The following TMCO6 variants were observed in gnomAD, a reference collection of about 807,000 sequenced individuals.
TMCO6 encodes the protein transmembrane and coiled-coil domain-containing protein 6.
A neutral mutation model predicts 61.8 loss-of-function variants in TMCO6; 47 were observed. That is an observed-to-expected ratio of 0.76 (90% CI 0.60 to 0.97). The LOEUF (loss-of-function observed/expected upper bound fraction) is 0.97, where lower values mean the gene tolerates loss of function less well. TMCO6 is among the 50% of genes least tolerant of loss of function. The pLI, the probability that TMCO6 is intolerant of heterozygous loss-of-function variation, is 0.00. For missense variants in TMCO6, 557 were observed against 601.6 expected (o/e 0.93, Z 0.78); for synonymous variants, 261 against 254.2 (o/e 1.03, Z -0.25).
At chr5:140,644,892 G>A (rs1757303680) in intron 11 of TMCO6, 93 bp from the exon 12 acceptor site, 8 of 1,501,394 alleles carry the variant, frequency 5.3e-6, no homozygotes, top group Non-Finnish European at 6.4e-6. Flanking sequence ...GTTGGGGAAT[G>A]CACCCTCTGG....
Position 140,639,581 on chromosome 5 carries a change from G to T in TMCO6, c.54G>T (p.Glu18Asp). Residue 18 changes from glutamate to aspartate, a missense_variant, in exon 1 of 12, where the codon GAG becomes GAT. Coordinates refer to ENST00000394671, the MANE Select transcript of TMCO6 (RefSeq NM_018502.5). ...RLRPTVCGVE[E>D]LRRRRREREA... ...GGCCCACGGTCTGCGGGGTGGAGGA[G>T]CTACGGCGCCGCCGGCGGGAGCGGG... The T allele has an allele frequency of 6.5e-7, 1 of 1,545,514 alleles. No individual in the cohort carries two copies.
intron 6 of TMCO6, 43 bp from the exon 7 acceptor site, chr5:140,642,882 G>C: frequency 6.2e-7 from 1 of 1,613,996 alleles, no homozygotes; most frequent in Non-Finnish European, 8.5e-7. Flanking sequence ...AGAACCACTG[G>C]CATCTTCGTG....
At chr5:140,647,276 G>A (rs199726032), downstream of TMCO6, 129 of 1,562,050 alleles carry the variant, frequency 8.3e-5, no homozygotes, top group Non-Finnish European at 6.9e-5. Flanking sequence ...CCAGAGCTTG[G>A]GCTGCACATC....
the TMCO6 span, among the ~76,000 whole-genome samples, chr5:140,598,873 T>A: frequency 1.3e-5 from 2 of 151,908 alleles, no homozygotes; most frequent in Non-Finnish European, 2.9e-5. Context: ...GAGGAGGAGG[T>A]AGCAGTGAGC....
chr5:140,639,287 A>T, upstream of TMCO6: 1 of 512,580 alleles, frequency 2.0e-6, no homozygotes, highest in Non-Finnish European at 3.5e-6. Flanking sequence ...AATCAATCAG[A>T]GGCAGAGCGA....
At chr5:140,622,985 T>G in the TMCO6 span, among the ~76,000 whole-genome samples, 78 of 152,318 alleles carry the variant, frequency 5.1e-4, 1 homozygote, top group African/African-American at 1.7e-3. Context: ...CTCAAAGTGC[T>G]GGGATAACAA....
chr5:140,645,138 A>G lies in TMCO6; in HGVS notation c.*40A>G, dbSNP rs1330722290. ...GTCACTCATTCCCCTCTCTCTTAAC[A>G]TCAAGCTTGTTTGTCCAGTAGAGCC... On this transcript the variant is annotated 3_prime_UTR_variant, in exon 12 of 12. Coordinates refer to ENST00000394671, the MANE Select transcript of TMCO6 (RefSeq NM_018502.5). 10 of 1,587,172 alleles carry G rather than the reference A, an allele frequency of 6.3e-6. No homozygotes were observed. The South Asian group carries it at 1.1e-4, about 18-fold the overall frequency.
the TMCO6 span, among the ~76,000 whole-genome samples, chr5:140,625,508 C>T: frequency 6.6e-6 from 1 of 152,200 alleles, no homozygotes; most frequent in Non-Finnish European, 1.5e-5. Flanking sequence ...CAGAAGTCAC[C>T]TCATGTGAGG....
At chr5:140,645,432 A>G (rs770288038), downstream of TMCO6, 38 of 980,510 alleles carry the variant, frequency 3.9e-5, no homozygotes, top group Non-Finnish European at 5.8e-5. Context: ...GTTGCACAGT[A>G]AGGGGTAGAG....
the TMCO6 span, among the ~76,000 whole-genome samples, chr5:140,610,175 C>A: frequency 7.1e-6 from 1 of 140,174 alleles, no homozygotes; most frequent in African/African-American, 2.7e-5. Flanking sequence ...ATGGTGAAAC[C>A]CCATTTCTAC....
chr5:140,644,826 G>A, intron 11 of TMCO6, 86 bp downstream of exon 11: 17 of 1,561,804 alleles, frequency 1.1e-5, no homozygotes, highest in Non-Finnish European at 1.5e-5. Flanking sequence ...AACTATAGTT[G>A]TTTCTCTGGG....
chr5:140,625,131 C>T, the TMCO6 span, among the ~76,000 whole-genome samples: 10 of 152,134 alleles, frequency 6.6e-5, no homozygotes, highest in Admixed American at 5.9e-4. Context: ...GGATTACAGG[C>T]GTGAGTCACT....
the TMCO6 span, chr5:140,632,854 C>A: frequency 1.2e-6 from 2 of 1,613,960 alleles, no homozygotes; most frequent in African/African-American, 1.3e-5. This position sits in a 1 kb window ranked among gnomAD's most constrained non-coding sequence, Gnocchi z 6.2. Context: ...TCGGACCAGT[C>A]GGGCTGAGGT....
At chr5:140,647,361 C>T (rs773367252), downstream of TMCO6, 65 of 1,610,232 alleles carry the variant, frequency 4.0e-5, no homozygotes, top group Admixed American at 4.0e-4. Context: ...TCAATGAAGT[C>T]CCTGCGGGGC....
chr5:140,604,284 C>T, the TMCO6 span, among the ~76,000 whole-genome samples: 17 of 152,044 alleles, frequency 1.1e-4, no homozygotes, highest in Non-Finnish European at 2.5e-4. Flanking sequence ...AGTAACAGCA[C>T]TCAGGAGGCT....
At position 140,644,245 on chromosome 5, in the gene TMCO6, G is replaced by T. The variant is rs897046557; in HGVS notation, c.1200+51G>T. On this transcript the variant is annotated intron_variant, in intron 10 of 11. Transcript: ENST00000394671. ...AAGATCTGGTAGTCGGATTGTATGG[G>T]ACAGCAGTCCTGAGCCCTCAGATGT... 11 of 1,575,046 alleles carry T rather than the reference G, an allele frequency of 7.0e-6. No homozygotes were observed. The African/African-American group carries it at 1.4e-4, about 19-fold the overall frequency.
At chr5:140,639,376 G>T, upstream of TMCO6, 1 of 722,090 alleles carries the variant, frequency 1.4e-6, no homozygotes. Flanking sequence ...TCCACTCGCC[G>T]AGCCCCGCCC....
rs1378709278 is a variant in TMCO6, at chr5:140,645,398, A to G, written c.*300A>G. On this transcript the variant is annotated 3_prime_UTR_variant, in exon 12 of 12. Coordinates refer to ENST00000394671, the MANE Select transcript of TMCO6 (RefSeq NM_018502.5). ...TGAGACAGAATAAAGTTTTATTTTT[A>G]TATTAAGCTACTTTGCCTCAGTGGT... 3.7e-6 allele frequency: 3 copies of G among 820,130 alleles called. No homozygotes were observed. In the South Asian group the frequency reaches 4.4e-5, roughly 12 times the overall value. 50.8% of individuals were successfully genotyped at this position (820,130 alleles called of 1,614,324 possible). A position where few individuals can be genotyped will look rare whatever the true frequency, so the allele number is the denominator to read the frequency against.
At chr5:140,618,095 A>C in the TMCO6 span, among the ~76,000 whole-genome samples, 1 of 152,198 alleles carries the variant, frequency 6.6e-6, no homozygotes, top group Admixed American at 6.5e-5. Context: ...GAGAGCCCAG[A>C]AACAGACTCA....
Sources: gnomAD v4.1 joint callset for allele counts (sites outside exome capture counted in the v4.1 genomes callset) on GRCh38, gnomAD v4.1.1 for gene constraint, Gnocchi (gnomAD v3.1) non-coding constraint, MANE v1.5 for transcripts, NCBI Gene and HGNC (gene_info 2026-07-23, HGNC 2026-07-21) for gene names.